The following ZNF654 variants were observed in gnomAD, a reference collection of about 807,000 sequenced individuals.
ZNF654 encodes zinc finger protein 654.
ZNF654 carries 19 observed loss-of-function variants against 95.3 expected under a neutral mutation model. That is an observed-to-expected ratio of 0.20 (90% CI 0.14 to 0.29). The LOEUF (loss-of-function observed/expected upper bound fraction) is 0.29. Ranked by LOEUF, ZNF654 falls within the 10% of genes least tolerant of loss-of-function variation. The pLI, the probability that ZNF654 is intolerant of heterozygous loss-of-function variation, is 1.00. For synonymous variants in ZNF654, 413 were observed against 457.9 expected (o/e 0.90, Z 1.25); for missense variants, 1,046 against 1,341.0 (o/e 0.78, Z 3.44).
rs1477027791 is a variant in ZNF654 at position 88,140,010 on chromosome 3, G to C, written c.2341G>C (p.Val781Leu). ...AACCGATTTAAATGTGCGACAAACA[G>C]TAATGAAGTGGAGCAAAGGAAAATG... Reference protein sequence around the residue: ...HPTDLNVRQTVMKWSKGKCKF... With the variant: ...HPTDLNVRQTLMKWSKGKCKF... Residue 781 changes from valine (V) to leucine (L), a missense_variant, in exon 8 of 9, where the codon GTA (valine) becomes CTA (leucine). Coordinates refer to ENST00000636215, the MANE Select transcript of ZNF654 (RefSeq NM_001350134.2). The C allele has an allele frequency of 7.4e-6, 12 of 1,613,702 alleles. No homozygotes were observed. The highest frequency in any genetic ancestry group is 9.3e-6 in the Non-Finnish European group (11 of 1,179,828).
chr3:88,067,720 A>T (rs1707279023), intron 1 of ZNF654, among the ~76,000 whole-genome samples: 1 of 152,226 alleles, frequency 6.6e-6, no homozygotes, highest in Non-Finnish European at 1.5e-5. Context: ...GTGACTCTAA[A>T]CAGAGCTGTT....
At chr3:88,119,952 G>A (rs967438603) in intron 3 of ZNF654, among the ~76,000 whole-genome samples, 2 of 151,862 alleles carry the variant, frequency 1.3e-5, no homozygotes, top group Admixed American at 6.6e-5. Flanking sequence ...AAAGTAGCAT[G>A]TACATTTATT....
At chr3:88,091,905 C>T (rs1422388323) in intron 2 of ZNF654, among the ~76,000 whole-genome samples, 1 of 152,160 alleles carries the variant, frequency 6.6e-6, no homozygotes, top group Admixed American at 6.5e-5. Flanking sequence ...ATGACCCAGT[C>T]TCGGGTATTT....
At chr3:88,070,152 A>G (rs1218223976) in intron 1 of ZNF654, among the ~76,000 whole-genome samples, 4 of 152,172 alleles carry the variant, frequency 2.6e-5, no homozygotes, top group Non-Finnish European at 4.4e-5. Context: ...TAGAAACCTT[A>G]AAATAATTTG....
intron 2 of ZNF654, among the ~76,000 whole-genome samples, chr3:88,108,749 G>A (rs1350844127): frequency 6.6e-6 from 1 of 151,960 alleles, no homozygotes; most frequent in African/African-American, 2.4e-5. Context: ...AAAGCCAAGA[G>A]TAGTGATGCC....
chr3:88,062,701 A>G (rs534493355), intron 1 of ZNF654, among the ~76,000 whole-genome samples: 2 of 152,310 alleles, frequency 1.3e-5, no homozygotes, highest in African/African-American at 2.4e-5. Flanking sequence ...GGATTTCTGG[A>G]ACCACTTTGA....
chr3:88,134,061 G>C (rs1236143853), intron 6 of ZNF654, among the ~76,000 whole-genome samples: 2 of 151,412 alleles, frequency 1.3e-5, no homozygotes, highest in African/African-American at 4.9e-5. Flanking sequence ...AGATGTGGTA[G>C]GAAGGTATGA....
intron 2 of ZNF654, among the ~76,000 whole-genome samples, chr3:88,108,611 G>A (rs1055655837): frequency 6.6e-6 from 1 of 152,086 alleles, no homozygotes; most frequent in African/African-American, 2.4e-5. Context: ...CCTTTGTTCA[G>A]TGTATCTACA....
At position 88,059,324 on chromosome 3, in the gene ZNF654, CGGAGGAAGAGAGCGACCAAGA is replaced by C. The variant is rs1256594751; in HGVS notation, c.8_28del (p.Glu3_Glu9del). 6.5e-7 allele frequency: 1 copy of C among 1,533,848 alleles called. No homozygotes were observed. Among genetic ancestry groups the C allele is most frequent in the Non-Finnish European group, 8.7e-7 (1 of 1,146,594 alleles). On this transcript the variant is annotated inframe_deletion, in exon 1 of 9. Coordinates refer to ENST00000636215, the MANE Select transcript of ZNF654 (RefSeq NM_001350134.2). ...GCGCTGGGCGGCGAGAGCCTCATGG[CGGAGGAAGAGAGCGACCAAGA>C]GGCCGAACGCCTCGGAGAAGAGCTT...
In ZNF654 at chr3:88,110,189, T is replaced by C. The variant is rs75394627; in HGVS notation, c.333-2926T>C. ...AGTTACTATTATTGTGTTTTATAAA[T>C]AAACTGAAGCATTGAGATATTAAGT... On this transcript the variant is annotated intron_variant, in intron 2 of 8. Coordinates refer to ENST00000636215, the MANE Select transcript of ZNF654 (RefSeq NM_001350134.2). 5.2e-4 allele frequency among the ~76,000 whole-genome samples: 79 copies of C among 152,256 alleles called. No homozygotes were observed. In the East Asian group the frequency reaches 0.014, roughly 27 times the overall value.
At chr3:88,075,034 AT>A (rs1173879862) in intron 1 of ZNF654, among the ~76,000 whole-genome samples, 1 of 152,148 alleles carries the variant, frequency 6.6e-6, no homozygotes, top group Non-Finnish European at 1.5e-5. Flanking sequence ...TAGTATCCTA[AT>A]TTCTGTCTTT....
chr3:88,074,582 T>TC (rs1305632968), intron 1 of ZNF654, among the ~76,000 whole-genome samples: 1 of 152,110 alleles, frequency 6.6e-6, no homozygotes, highest in Non-Finnish European at 1.5e-5. Context: ...CCTCAAGTGA[T>TC]CCGCCTGCCT....
At position 88,143,957 on chromosome 3, in the gene ZNF654, G is replaced by A. The variant is rs1361662939; in HGVS notation, c.*2305G>A. 6.6e-6 allele frequency: 1 copy of A among 152,060 alleles called. No individual in the cohort carries two copies. The highest frequency in any genetic ancestry group is 2.4e-5 in the African/African-American group (1 of 41,378). The allele number at this position is 152,060 out of a possible 1,614,324, so 9.4% of individuals were successfully genotyped here. On this transcript the variant is annotated 3_prime_UTR_variant, in exon 9 of 9. Transcript: ENST00000636215. ...AACTTCCAACAGTTCTAATTTGAGC[G>A]CTTCAGAAGAAAAGGAAGCTTGCTT...
intron 2 of ZNF654, among the ~76,000 whole-genome samples, chr3:88,111,506 A>C (rs1418005425): frequency 6.6e-6 from 1 of 151,968 alleles, no homozygotes; most frequent in Admixed American, 6.6e-5. Context: ...TTTTTAATTC[A>C]TATAGATGTA....
chr3:88,063,821 T>C (rs1707033959), intron 1 of ZNF654, among the ~76,000 whole-genome samples: 1 of 152,118 alleles, frequency 6.6e-6, no homozygotes, highest in Non-Finnish European at 1.5e-5. Context: ...TTACTAGTCA[T>C]CCTTGTCTTA....
intron 2 of ZNF654, among the ~76,000 whole-genome samples, chr3:88,100,511 G>A (rs1218320675): frequency 2.6e-5 from 4 of 152,182 alleles, no homozygotes; most frequent in African/African-American, 9.6e-5. Context: ...CTGCGCACAT[G>A]TATGTTTATT....
intron 6 of ZNF654, among the ~76,000 whole-genome samples, chr3:88,134,523 T>C (rs1559732810): frequency 6.6e-6 from 1 of 152,038 alleles, no homozygotes; most frequent in Non-Finnish European, 1.5e-5. Flanking sequence ...AGAATCTACC[T>C]ATGAAATAGT....
chr3:88,133,109 A>C (rs1706563227), intron 6 of ZNF654, among the ~76,000 whole-genome samples: 1 of 152,214 alleles, frequency 6.6e-6, no homozygotes, highest in Non-Finnish European at 1.5e-5. Flanking sequence ...AGAGTTGAGA[A>C]CATTCCAGAG....
chr3:88,059,508 G>T lies in ZNF654; in HGVS notation c.186+3G>T. ...ATTACTGCCGACGCTTCTGTCAGGT[G>T]AGGCGTCCGTTGGCCGCCCCGACTT... On this transcript the variant is annotated splice_donor_region_variant and intron_variant, in intron 1 of 8. Transcript: ENST00000636215. The T allele has an allele frequency of 6.8e-7, 1 of 1,472,460 alleles. No homozygotes were observed. Among genetic ancestry groups the T allele is most frequent in the Non-Finnish European group, 8.9e-7 (1 of 1,120,106 alleles). 91.2% of individuals were successfully genotyped at this position (1,472,460 alleles called of 1,614,324 possible).
Sources: gnomAD v4.1 joint callset for allele counts (sites outside exome capture counted in the v4.1 genomes callset) on GRCh38, gnomAD v4.1.1 for gene constraint, MANE v1.5 for transcripts, NCBI Gene and HGNC (gene_info 2026-07-23, HGNC 2026-07-21) for gene names.